The following WDR1 variants were observed in gnomAD, a reference collection of about 807,000 sequenced individuals.
WDR1 encodes the protein WD repeat domain 1, also known as WD repeat-containing protein 1.
A neutral mutation model predicts 71.9 loss-of-function variants in WDR1; 21 were observed. The observed-to-expected ratio is 0.29, with a 90% CI of 0.21 to 0.42. The LOEUF (loss-of-function observed/expected upper bound fraction) is 0.42. WDR1 is among the 10% of genes least tolerant of loss of function. WDR1 has a pLI of 1.00. For synonymous variants in WDR1, 424 were observed against 347.4 expected, an observed-to-expected ratio of 1.22 and a Z score of -2.45; for missense variants, 696 against 824.5, an observed-to-expected ratio of 0.84 and a Z score of 1.91.
At chr4:10,084,236 C>G (rs1302525083) in intron 9 of WDR1, among the ~76,000 whole-genome samples, 1 of 152,154 alleles carries the variant, frequency 6.6e-6, no homozygotes, top group Non-Finnish European at 1.5e-5. Context: ...AGCATAAGCC[C>G]TGGAGTTGCC....
At chr4:10,093,073 G>T in intron 5 of WDR1, 1 of 1,289,464 alleles carries the variant, frequency 7.8e-7, no homozygotes, top group Non-Finnish European at 1.0e-6. Flanking sequence ...GAAGCACTGA[G>T]GTCATAATTA....
rs748707370 is a variant in WDR1 at position 10,083,124 on chromosome 4, G to C, written c.1094C>G (p.Thr365Arg). The C allele has an allele frequency of 5.6e-6, 9 of 1,613,848 alleles. No homozygotes were observed. Among genetic ancestry groups the C allele is most frequent in the South Asian group, 3.3e-5 (3 of 91,074 alleles). The change falls in exon 10 of 15, where the codon ACG (threonine) becomes AGG (arginine). Residue 365 changes from threonine (T) to arginine (R), a missense_variant. Thr to Arg is a moderately conservative substitution (Grantham distance 71). Coordinates refer to ENST00000499869, the MANE Select transcript of WDR1 (RefSeq NM_017491.5). ...CACGGTCATCCTGGACACCTGGTTC[G>C]TGTGGCCTTTCCCAGCGAAGGAGTC... ...ENDSFAGKGH[T>R]NQVSRMTVDE...
Position 10,077,774 on chromosome 4 carries a change from G to C in WDR1, c.1548C>G (p.Phe516Leu), listed in dbSNP as rs1374728489. ...TCACCGAGTAGCCGTCAGCAACGCT[G>C]AACACTGTGACCACCTTGCTGGCGT... ...VCDASKVVTV[F>L]SVADGYSENN... The change falls in exon 13 of 15, where the codon TTC becomes TTG. Residue 516 changes from phenylalanine to leucine, a missense_variant. Phe to Leu is a conservative substitution (Grantham distance 22). Transcript: ENST00000499869. 1.9e-6 allele frequency: 3 copies of C among 1,599,774 alleles called. No individual in the cohort carries two copies. The Admixed American group carries it at 5.2e-5, about 28-fold the overall frequency.
chr4:10,094,671 C>A (rs1480682445), intron 5 of WDR1: 1 of 152,208 alleles, frequency 6.6e-6, no homozygotes, highest in African/African-American at 2.4e-5. Context: ...GTTACTTCCG[C>A]AGGTCACCTA....
rs1171318720 is a variant in WDR1 at position 10,099,110 on chromosome 4, T to C, written c.259A>G (p.Thr87Ala). The change falls in exon 4 of 15, where the codon ACC becomes GCC. Residue 87 changes from threonine (T) to alanine (A), a missense_variant. Transcript: ENST00000499869. ...TTCAACAGGTGCTCCTTCTGCGTGG[T>C]ATCCCAGATCCTCAGCTTCCCAGAC... ...DVSGKLRIWD[T>A]TQKEHLLKYE... The C allele has an allele frequency of 6.5e-7, 1 of 1,541,704 alleles. No individual in the cohort carries two copies. Among genetic ancestry groups the C allele is most frequent in the Non-Finnish European group, 8.8e-7 (1 of 1,135,660 alleles).
chr4:10,116,211 G>C lies in WDR1; in HGVS notation c.40C>G (p.Gln14Glu). Reference sequence around the variant, plus strand: ...ATCTTGGAGACGCCCCTCTCCACCTGCGGGAGGCTGGCGAACACCTTCTCT... The same window carrying C: ...ATCTTGGAGACGCCCCTCTCCACCTCCGGGAGGCTGGCGAACACCTTCTCT... ...EIKKVFASLP[Q>E]VERGVSKIIG... The change falls in exon 2 of 15, where the codon CAG (glutamine) becomes GAG (glutamate). Residue 14 changes from glutamine (Q) to glutamate (E), a missense_variant. Physicochemically the swap from Gln to Glu is conservative, Grantham distance 29. Coordinates refer to ENST00000499869, the MANE Select transcript of WDR1 (RefSeq NM_017491.5). The C allele has an allele frequency of 1.2e-6, 2 of 1,613,672 alleles. No individual in the cohort carries two copies. The highest frequency in any genetic ancestry group is 1.1e-5 in the South Asian group (1 of 91,072).
chr4:10,112,364 C>T (rs186814694), intron 2 of WDR1, among the ~76,000 whole-genome samples: 1 of 152,300 alleles, frequency 6.6e-6, no homozygotes, highest in African/African-American at 2.4e-5. Context: ...ACTAATGTCT[C>T]TCAAACACAG....
intron 2 of WDR1, chr4:10,106,611 C>CT (rs1437790265): frequency 6.6e-6 from 1 of 152,244 alleles, no homozygotes; most frequent in East Asian, 1.9e-4. Flanking sequence ...TGGAAGATGC[C>CT]TGGGCAGGGG....
At chr4:10,110,632 C>T (rs1435079005) in intron 2 of WDR1, among the ~76,000 whole-genome samples, 1 of 152,234 alleles carries the variant, frequency 6.6e-6, no homozygotes, top group South Asian at 2.1e-4. Context: ...CAGCAGCTGT[C>T]CCCGCTCTGT....
intron 11 of WDR1, among the ~76,000 whole-genome samples, chr4:10,080,919 G>C (rs1009290415): frequency 6.6e-6 from 1 of 152,228 alleles, no homozygotes; most frequent in Non-Finnish European, 1.5e-5. Flanking sequence ...TAATCACCTG[G>C]ATCTGTGAGT....
Position 10,099,073 on chromosome 4 carries a change from T to C in WDR1, c.296A>G (p.Gln99Arg). ...QKEHLLKYEY[Q>R]PFAGKIKDIA... ...GTCTTTGATCTTCCCAGCGAAAGGC[T>C]GGTACTCATACTTCAACAGGTGCTC... is the stretch of plus-strand genomic sequence containing the variant. Residue 99 changes from glutamine (Q) to arginine (R), a missense_variant, in exon 4 of 15, where the codon CAG becomes CGG. Transcript: ENST00000499869. The C allele has an allele frequency of 5.6e-6, 9 of 1,613,126 alleles. No homozygotes were observed. Among genetic ancestry groups the C allele is most frequent in the Non-Finnish European group, 7.6e-6 (9 of 1,179,606 alleles).
At chr4:10,076,829 G>T (rs3775933) in intron 14 of WDR1, 11,710 of 162,148 alleles carry the variant, frequency 0.072, 717 homozygotes, top group East Asian at 0.3. Flanking sequence ...ATACGTGCAT[G>T]GCCACGCGGG....
At position 10,081,673 on chromosome 4, in the gene WDR1, G is replaced by A. The variant is rs1352826154; in HGVS notation, c.1197-229C>T. On this transcript the variant is annotated intron_variant, in intron 10 of 14. Coordinates refer to ENST00000499869, the MANE Select transcript of WDR1 (RefSeq NM_017491.5). ...GGGCCCGGGGAGGGGTGGGGGGGGG[G>A]GAAGGAGGGGCGGGAGGCGGTGAAA... Among the ~76,000 whole-genome samples, 8 of 122,168 alleles carry A rather than the reference G, an allele frequency of 6.5e-5. No homozygotes were observed. The South Asian group carries it at 2.7e-3, about 41-fold the overall frequency. 80.1% of individuals were successfully genotyped at this position (122,168 alleles called of 152,430 possible).
chr4:10,080,568 G>A (rs1343399185), intron 11 of WDR1, among the ~76,000 whole-genome samples: 1 of 152,250 alleles, frequency 6.6e-6, no homozygotes, highest in Non-Finnish European at 1.5e-5. Flanking sequence ...GGGCCAGAGG[G>A]TGCTGAAAGC....
intron 12 of WDR1, 61 bp downstream of exon 12, chr4:10,078,830 C>G (rs551051542): frequency 1.4e-6 from 2 of 1,446,194 alleles, no homozygotes; most frequent in African/African-American, 1.4e-5. Context: ...ACAGCTCACA[C>G]TGTCCCCAAA....
intron 5 of WDR1, 104 bp downstream of exon 5, chr4:10,097,607 C>G (rs753217828): frequency 2.2e-4 from 294 of 1,337,932 alleles, no homozygotes; most frequent in Admixed American, 5.3e-4. Context: ...TCATGGCATA[C>G]GTGGCATGTG....
Position 10,098,024 on chromosome 4 carries a change from C to G in WDR1, c.378-133G>C, listed in dbSNP as rs1712458198. ...GACTGTCAGCAGGCAGCTCAGAACG[C>G]CACAGGGACAAATGAGGGAAGCACT... On this transcript the variant is annotated intron_variant, in intron 4 of 14. Transcript: ENST00000499869. 3 of 914,022 alleles carry G rather than the reference C, an allele frequency of 3.3e-6. No homozygotes were observed. The East Asian group carries it at 8.2e-5, about 25-fold the overall frequency. 56.6% of individuals were successfully genotyped at this position (914,022 alleles called of 1,614,324 possible). A position where few individuals can be genotyped will look rare whatever the true frequency, so the allele number is the denominator to read the frequency against.
chr4:10,114,186 G>A (rs1337816128), intron 2 of WDR1, among the ~76,000 whole-genome samples: 1 of 152,190 alleles, frequency 6.6e-6, no homozygotes, highest in Non-Finnish European at 1.5e-5. Context: ...ATCTCGTGCT[G>A]ACCTGGCATT....
intron 2 of WDR1, among the ~76,000 whole-genome samples, chr4:10,107,939 G>A (rs1713116658): frequency 6.6e-6 from 1 of 152,150 alleles, no homozygotes; most frequent in Non-Finnish European, 1.5e-5. Flanking sequence ...ATTCTACTCT[G>A]TCACACTATG....
Sources: allele counts gnomAD v4.1 joint callset (sites outside exome capture counted in the v4.1 genomes callset), GRCh38; gene constraint gnomAD v4.1.1; transcripts MANE v1.5; gene names NCBI Gene and HGNC (gene_info 2026-07-23, HGNC 2026-07-21).